Variants in MACROH2A2 observed in about 807,000 individuals in gnomAD.
The protein encoded by MACROH2A2 is macroH2A.2 histone.
Under a neutral mutation model 37.6 loss-of-function variants are expected in MACROH2A2, and 6 were observed. The observed-to-expected ratio is 0.16, with a 90% confidence interval of 0.09 to 0.32. The LOEUF (loss-of-function observed/expected upper bound fraction) is 0.32, where lower values mean the gene tolerates loss of function less well. Ranked by LOEUF, MACROH2A2 falls within the 10% of genes least tolerant of loss-of-function variation. The pLI is 1.00. For missense variants in MACROH2A2, 290 were observed against 485.9 expected, an observed-to-expected ratio of 0.60 and a Z score of 3.79; for synonymous variants, 192 against 202.7, an observed-to-expected ratio of 0.95 and a Z score of 0.45.
intron 2 of MACROH2A2, among the ~76,000 whole-genome samples, chr10:70,082,684 T>C (rs1204535400): frequency 2.0e-5 from 3 of 152,178 alleles, no homozygotes; most frequent in Non-Finnish European, 4.4e-5. Flanking sequence ...ATGTGAAGGA[T>C]GGCAGACACA....
intron 1 of MACROH2A2, among the ~76,000 whole-genome samples, chr10:70,065,527 A>G (rs2072074331): frequency 6.6e-6 from 1 of 152,218 alleles, no homozygotes; most frequent in South Asian, 2.1e-4. Flanking sequence ...TAAATTTAAC[A>G]CATTCTAATT....
At chr10:70,062,515 ATC>A (rs906485519) in intron 1 of MACROH2A2, among the ~76,000 whole-genome samples, 2 of 152,198 alleles carry the variant, frequency 1.3e-5, no homozygotes, top group African/African-American at 2.4e-5. Context: ...AAGCTCTAAG[ATC>A]TCTTATTTCT....
intron 1 of MACROH2A2, among the ~76,000 whole-genome samples, chr10:70,063,009 A>C (rs184616590): frequency 1.7e-4 from 26 of 152,214 alleles, no homozygotes; most frequent in South Asian, 4.1e-4. Flanking sequence ...CAAAAACTAA[A>C]TAAATAAATA....
intron 1 of MACROH2A2, among the ~76,000 whole-genome samples, chr10:70,057,039 G>A (rs562883275): frequency 3.3e-5 from 5 of 152,236 alleles, no homozygotes; most frequent in African/African-American, 1.2e-4. Context: ...TGGAGGGAAA[G>A]ATAAGTGTTT....
chr10:70,081,246 A>G (rs1471839736), intron 2 of MACROH2A2, among the ~76,000 whole-genome samples: 1 of 152,096 alleles, frequency 6.6e-6, no homozygotes, highest in Non-Finnish European at 1.5e-5. Context: ...ATGCATGAAA[A>G]GTGCTTAGCA....
At chr10:70,061,847 G>A (rs2072052072) in intron 1 of MACROH2A2, among the ~76,000 whole-genome samples, 1 of 152,116 alleles carries the variant, frequency 6.6e-6, no homozygotes, top group South Asian at 2.1e-4. Context: ...ATTTGATATA[G>A]CCCTTTACGT....
intron 8 of MACROH2A2, among the ~76,000 whole-genome samples, chr10:70,110,730 A>T (rs547070823): frequency 4.2e-4 from 54 of 128,614 alleles, no homozygotes; most frequent in East Asian, 3.9e-3. Flanking sequence ...CAAAAAATTT[A>T]AAAAAAAAAA....
intron 2 of MACROH2A2, among the ~76,000 whole-genome samples, chr10:70,076,426 A>AT (rs2072140024): frequency 6.6e-6 from 1 of 151,554 alleles, no homozygotes; most frequent in East Asian, 2.0e-4. Flanking sequence ...GTTAAAGTTA[A>AT]TTTTTTTACT....
Position 70,111,902 on chromosome 10 carries a change from C to T in MACROH2A2, c.*219C>T. On this transcript the variant is annotated 3_prime_UTR_variant, in exon 9 of 9. Coordinates refer to ENST00000373255, the MANE Select transcript of MACROH2A2 (RefSeq NM_018649.3). Reference sequence around the variant, plus strand: ...CGAGGGGTTTCTTTCCATGTGTTTTCCTCCTGTTGTTTTAGAACTTTTTTA... The same window carrying T: ...CGAGGGGTTTCTTTCCATGTGTTTTTCTCCTGTTGTTTTAGAACTTTTTTA... 1 of 380,556 alleles carries T rather than the reference C, an allele frequency of 2.6e-6. No individual in the cohort carries two copies. Among genetic ancestry groups the T allele is most frequent in the Non-Finnish European group, 4.7e-6 (1 of 214,914 alleles). The allele number at this position is 380,556 out of a possible 1,614,324, so 23.6% of individuals were successfully genotyped here.
chr10:70,103,686 T>C (rs1385175982), intron 7 of MACROH2A2, among the ~76,000 whole-genome samples: 5 of 151,394 alleles, frequency 3.3e-5, no homozygotes, highest in Admixed American at 3.3e-4. Flanking sequence ...CCTTAGAAAT[T>C]GAAAAATCAA....
At chr10:70,093,043 C>G (rs2072255675) in intron 4 of MACROH2A2, among the ~76,000 whole-genome samples, 1 of 151,860 alleles carries the variant, frequency 6.6e-6, no homozygotes, top group African/African-American at 2.4e-5. Context: ...ACTCTGTCAC[C>G]CAGGCTGGAG....
rs2072343638 is a variant in MACROH2A2, at chr10:70,107,220, CT to C, written c.779-1812del. 6.6e-6 allele frequency among the ~76,000 whole-genome samples: 1 copy of C among 152,200 alleles called. No individual in the cohort carries two copies. The highest frequency in any genetic ancestry group is 2.4e-5 in the African/African-American group (1 of 41,458). On this transcript the variant is annotated intron_variant, in intron 7 of 8. Transcript: ENST00000373255. The surrounding 1 kb of genome is among the most constrained non-coding windows in gnomAD (Gnocchi z 4.4). ...GAAGGCAGGGAGCCTACAGCCTCCC[CT>C]GATGGACGAAGGGGTCCCTTGGATT... is the stretch of plus-strand genomic sequence containing the variant.
At chr10:70,068,596 G>A (rs1022397800) in intron 1 of MACROH2A2, among the ~76,000 whole-genome samples, 3 of 152,096 alleles carry the variant, frequency 2.0e-5, no homozygotes, top group African/African-American at 7.2e-5. Context: ...CCCAACACTC[G>A]CTTTTAATCA....
At chr10:70,056,782 G>GCCTAC (rs1187244165) in intron 1 of MACROH2A2, among the ~76,000 whole-genome samples, 1 of 152,140 alleles carries the variant, frequency 6.6e-6, no homozygotes, top group Non-Finnish European at 1.5e-5. Flanking sequence ...TCCTGGCCTG[G>GCCTAC]CCTACCCTGC....
At chr10:70,069,794 T>C (rs1266819486) in intron 1 of MACROH2A2, among the ~76,000 whole-genome samples, 1 of 152,058 alleles carries the variant, frequency 6.6e-6, no homozygotes, top group African/African-American at 2.4e-5. Flanking sequence ...AGACTCCAAT[T>C]ACCAGGATGT....
chr10:70,079,498 G>A (rs2072160466), intron 2 of MACROH2A2, among the ~76,000 whole-genome samples: 1 of 151,818 alleles, frequency 6.6e-6, no homozygotes, highest in Admixed American at 6.6e-5. Context: ...ATGAAATGGG[G>A]GCAGGGCAGC....
Position 70,111,706 on chromosome 10 carries a change from T to C in MACROH2A2, c.*23T>C. 1 of 1,565,674 alleles carries C rather than the reference T, an allele frequency of 6.4e-7. No homozygotes were observed. Among genetic ancestry groups the C allele is most frequent in the East Asian group, 2.3e-5 (1 of 43,184 alleles). ...TAGCCGCCGCACTTTCCAGCAGGGA[T>C]CGGAGGACGACCCGAGTCCCAAGAG... On this transcript the variant is annotated 3_prime_UTR_variant, in exon 9 of 9. Transcript: ENST00000373255.
At chr10:70,076,757 A>T (rs1002094349) in intron 2 of MACROH2A2, among the ~76,000 whole-genome samples, 1 of 152,032 alleles carries the variant, frequency 6.6e-6, no homozygotes, top group African/African-American at 2.4e-5. Flanking sequence ...AACACTGGGG[A>T]GGCAAGCCTC....
At chr10:70,085,947 A>T (rs977970301) in intron 2 of MACROH2A2, among the ~76,000 whole-genome samples, 5 of 152,230 alleles carry the variant, frequency 3.3e-5, no homozygotes, top group Non-Finnish European at 7.3e-5. Flanking sequence ...TTGCCATAAT[A>T]ACATTTGAAA....
Sources: allele counts gnomAD v4.1 joint callset (sites outside exome capture counted in the v4.1 genomes callset), GRCh38; gene constraint gnomAD v4.1.1; non-coding constraint Gnocchi (gnomAD v3.1); transcripts MANE v1.5; gene names NCBI Gene and HGNC (gene_info 2026-07-23, HGNC 2026-07-21).